Variants in ASXL2 observed in about 807,000 individuals in gnomAD.
The protein encoded by ASXL2 is putative Polycomb group protein ASXL2.
A neutral mutation model predicts 122.0 loss-of-function variants in ASXL2; 23 were observed. That is an observed-to-expected ratio of 0.19 (90% CI 0.14 to 0.27). ASXL2 has a LOEUF of 0.27. Among genes scored for constraint, ASXL2 ranks in the 10% least tolerant of loss-of-function variants. The pLI, the probability that ASXL2 is intolerant of heterozygous loss-of-function variation, is 1.00. For synonymous variants in ASXL2, 650 were observed against 637.0 expected (o/e 1.02, Z -0.31); for missense variants, 1,518 against 1,713.8 (o/e 0.89, Z 2.02).
At chr2:25,755,684 T>C (rs572152758) in intron 10 of ASXL2, among the ~76,000 whole-genome samples, 5 of 152,354 alleles carry the variant, frequency 3.3e-5, no homozygotes, top group African/African-American at 1.2e-4. Context: ...TTCTATACTT[T>C]TATTAGGGAG....
At chr2:25,807,499 C>T (rs2176180) in intron 3 of ASXL2, among the ~76,000 whole-genome samples, 48,765 of 152,042 alleles carry the variant, frequency 0.32, 8,348 homozygotes, top group African/African-American at 0.41. Flanking sequence ...ATTTCCATAG[C>T]TACGTTTATC....
At chr2:25,751,161 A>G (rs1240481971) in intron 11 of ASXL2, among the ~76,000 whole-genome samples, 1 of 152,230 alleles carries the variant, frequency 6.6e-6, no homozygotes, top group African/African-American at 2.4e-5. Context: ...AGAATACTGT[A>G]CAACATGTAA....
At chr2:25,767,989 T>C (rs1340927235) in intron 7 of ASXL2, among the ~76,000 whole-genome samples, 1 of 152,204 alleles carries the variant, frequency 6.6e-6, no homozygotes, top group Admixed American at 6.5e-5. Context: ...GGCAGGCCCA[T>C]AGAATCAGCT....
At chr2:25,762,276 GA>G (rs1443166284) in intron 8 of ASXL2, among the ~76,000 whole-genome samples, 6 of 52,162 alleles carry the variant, frequency 1.2e-4, no homozygotes, top group African/African-American at 5.0e-4. Flanking sequence ...TCAGTAGAGA[GA>G]AAAAAAAGGC....
rs1451412007 is a variant in ASXL2, at chr2:25,835,546, G to A, written c.141-6C>T. Reference sequence around the variant, plus strand: ...AAAGTAATACTTCTTACCTTCTGGAGTTGGAATGCAGTGCAGGAAAATGAA... The same window carrying A: ...AAAGTAATACTTCTTACCTTCTGGAATTGGAATGCAGTGCAGGAAAATGAA... On this transcript the variant is annotated splice_region_variant and splice_polypyrimidine_tract_variant and intron_variant, in intron 2 of 12. Transcript: ENST00000435504. The A allele has an allele frequency of 6.7e-6, 2 of 297,412 alleles. No homozygotes were observed. The highest frequency in any genetic ancestry group is 1.4e-5 in the Non-Finnish European group (2 of 138,124). The allele number at this position is 297,412 out of a possible 1,614,324, so 18.4% of individuals were successfully genotyped here. A position where few individuals can be genotyped will look rare whatever the true frequency, so the allele number is the denominator to read the frequency against.
intron 1 of ASXL2, among the ~76,000 whole-genome samples, chr2:25,863,909 G>C (rs1004430815): frequency 6.6e-6 from 1 of 151,384 alleles, no homozygotes; most frequent in African/African-American, 2.4e-5. Flanking sequence ...GGAAGGCTGA[G>C]GCAGGACAAC....
chr2:25,807,986 T>TAAACACACACACACACACAC (rs368346154), intron 3 of ASXL2, among the ~76,000 whole-genome samples: 8 of 131,728 alleles, frequency 6.1e-5, no homozygotes, highest in African/African-American at 2.3e-4. Flanking sequence ...AATCAGCTTT[T>TAAACACACACACACACACAC]ACACACACAC....
Position 25,741,669 on chromosome 2 carries a change from C to T in ASXL2, c.*360G>A, listed in dbSNP as rs934491331. On this transcript the variant is annotated 3_prime_UTR_variant, in exon 13 of 13. Transcript: ENST00000435504. ...GGGAGACAGCTTCCTTTTACCATGC[C>T]GGCATTAAACTTTTCTCAGTCACAA... is the stretch of plus-strand genomic sequence containing the variant. The T allele has an allele frequency of 2.3e-5, 6 of 257,754 alleles. No individual in the cohort carries two copies. The highest frequency in any genetic ancestry group is 1.1e-4 in the East Asian group (2 of 17,714). The allele number at this position is 257,754 out of a possible 1,614,324, so 16.0% of individuals were successfully genotyped here.
intron 3 of ASXL2, among the ~76,000 whole-genome samples, chr2:25,812,791 A>G (rs370716522): frequency 1.3e-5 from 2 of 152,198 alleles, no homozygotes; most frequent in African/African-American, 4.8e-5. Flanking sequence ...AATGTTGACT[A>G]TGATAATAAA....
intron 1 of ASXL2, among the ~76,000 whole-genome samples, chr2:25,847,457 C>G (rs72801874): frequency 0.02 from 2,999 of 152,184 alleles, 45 homozygotes; most frequent in Non-Finnish European, 0.03. Context: ...TAACATTAAC[C>G]ACACCAAGCT....
intron 11 of ASXL2, among the ~76,000 whole-genome samples, chr2:25,751,318 A>G (rs1455295795): frequency 6.6e-6 from 1 of 152,188 alleles, no homozygotes; most frequent in African/African-American, 2.4e-5. Context: ...AAGACCCACG[A>G]ACTGTTGTAA....
intron 3 of ASXL2, among the ~76,000 whole-genome samples, chr2:25,834,233 A>G (rs552590532): frequency 6.6e-6 from 1 of 151,930 alleles, no homozygotes; most frequent in Non-Finnish European, 1.5e-5. Flanking sequence ...GGCACCTGTA[A>G]TCCCAGCTAC....
intron 2 of ASXL2, among the ~76,000 whole-genome samples, chr2:25,842,921 C>T (rs2089604210): frequency 6.6e-6 from 1 of 151,228 alleles, no homozygotes; most frequent in African/African-American, 2.4e-5. Flanking sequence ...TCCCAGGTTC[C>T]AGCTATTCTC....
In ASXL2 at chr2:25,737,950, C is replaced by T. The variant is rs900173772; in HGVS notation, c.*4079G>A. 1 of 152,016 alleles carries T rather than the reference C, an allele frequency of 6.6e-6. No homozygotes were observed. The highest frequency in any genetic ancestry group is 2.4e-5 in the African/African-American group (1 of 41,394). 9.4% of individuals were successfully genotyped at this position (152,016 alleles called of 1,614,324 possible). A position where few individuals can be genotyped will look rare whatever the true frequency, so the allele number is the denominator to read the frequency against. On this transcript the variant is annotated 3_prime_UTR_variant, in exon 13 of 13. Coordinates refer to ENST00000435504, the MANE Select transcript of ASXL2 (RefSeq NM_018263.6). ...ATTTACCAAACCAGTCTGTACAAAC[C>T]TTACAGCCAGAAGGGAAAAAAATAG...
chr2:25,792,522 G>T (rs1049957900), intron 5 of ASXL2, among the ~76,000 whole-genome samples: 5 of 151,822 alleles, frequency 3.3e-5, no homozygotes, highest in African/African-American at 1.2e-4. Context: ...TCAAAAGATC[G>T]AGTTACTATT....
At position 25,750,421 on chromosome 2, in the gene ASXL2, G is replaced by A. The variant is rs2088025760; in HGVS notation, c.1143-8C>T. 1.3e-6 allele frequency: 2 copies of A among 1,564,582 alleles called. No individual in the cohort carries two copies. The highest frequency in any genetic ancestry group is 1.7e-6 in the Non-Finnish European group (2 of 1,161,856). ...TCAAGGCTCAGGCCAGAACTAAAAA[G>A]GGGAAAAAAGAAATATTCCAGTTGA... On this transcript the variant is annotated splice_region_variant and splice_polypyrimidine_tract_variant and intron_variant, in intron 11 of 12. Transcript: ENST00000435504.
chr2:25,807,083 G>T (rs2089093564), intron 3 of ASXL2, among the ~76,000 whole-genome samples: 1 of 152,052 alleles, frequency 6.6e-6, no homozygotes, highest in African/African-American at 2.4e-5. Context: ...AAAAAATTAG[G>T]TAGCAAGCAA....
rs1315006400 is a variant in ASXL2, at chr2:25,744,055, C to T, written c.2282G>A (p.Ser761Asn). 9.9e-6 allele frequency: 16 copies of T among 1,614,002 alleles called. No individual in the cohort carries two copies. The highest frequency in any genetic ancestry group is 1.4e-5 in the Non-Finnish European group (16 of 1,179,884). Residue 761 changes from serine (S) to asparagine (N), a missense_variant, in exon 13 of 13, where the codon AGC becomes AAC. Ser to Asn is a conservative substitution (Grantham distance 46). Coordinates refer to ENST00000435504, the MANE Select transcript of ASXL2 (RefSeq NM_018263.6). This position sits in a 1 kb window ranked among gnomAD's most constrained non-coding sequence, Gnocchi z 4.7. The stretch of plus-strand genomic sequence containing the variant: ...AGAGACACTATGAGGCTGTGCCTGG[C>T]TTGGGGTGGTCTTGGTCTCAGACTG... ...QPQSETKTTPSQAQPHSVSGA... is the reference protein window; with the variant it reads ...QPQSETKTTPNQAQPHSVSGA...
intron 3 of ASXL2, among the ~76,000 whole-genome samples, chr2:25,811,295 T>TG (rs2089167293): frequency 6.6e-6 from 1 of 151,156 alleles, no homozygotes; most frequent in African/African-American, 2.4e-5. Context: ...AAGAAAACAG[T>TG]ATAACCTAGA....
Sources: allele counts gnomAD v4.1 joint callset (sites outside exome capture counted in the v4.1 genomes callset), GRCh38; gene constraint gnomAD v4.1.1; non-coding constraint Gnocchi (gnomAD v3.1); transcripts MANE v1.5; gene names NCBI Gene and HGNC (gene_info 2026-07-23, HGNC 2026-07-21).